Variants in GLRA1 observed in about 807,000 individuals in gnomAD.
GLRA1 encodes glycine receptor subunit alpha-1.
A neutral mutation model predicts 48.3 loss-of-function variants in GLRA1; 37 were observed. The observed-to-expected ratio is 0.77, with a 90% CI of 0.59 to 1.01. The LOEUF (loss-of-function observed/expected upper bound fraction) is 1.01, where lower values mean the gene tolerates loss of function less well. GLRA1 is among the 50% of genes least tolerant of loss of function. The pLI, the probability that GLRA1 is intolerant of heterozygous loss-of-function variation, is 0.00. For synonymous variants in GLRA1, 196 were observed against 210.7 expected, an observed-to-expected ratio of 0.93 and a Z score of 0.60; for missense variants, 427 against 571.0, an observed-to-expected ratio of 0.75 and a Z score of 2.57.
chr5:151,915,687 A>G (rs927602722), intron 1 of GLRA1, among the ~76,000 whole-genome samples: 1 of 149,204 alleles, frequency 6.7e-6, no homozygotes, highest in African/African-American at 2.5e-5. Flanking sequence ...ATGGTTATAT[A>G]CATGTGTGTA....
chr5:151,857,214 G>A (rs562294878), intron 4 of GLRA1, among the ~76,000 whole-genome samples: 1 of 152,364 alleles, frequency 6.6e-6, no homozygotes, highest in South Asian at 2.1e-4. Context: ...CTGCTGGGAT[G>A]CAGCACCTTT....
chr5:151,847,378 C>T (rs781712705), intron 7 of GLRA1, among the ~76,000 whole-genome samples: 9 of 151,926 alleles, frequency 5.9e-5, no homozygotes, highest in Non-Finnish European at 8.8e-5. Flanking sequence ...TGTACCTCAA[C>T]TAGGGGTGAA....
chr5:151,924,339 AGGGGG>A (rs1267918038), intron 1 of GLRA1, among the ~76,000 whole-genome samples, 150 bp downstream of exon 1: 1 of 27,952 alleles, frequency 3.6e-5, no homozygotes, highest in Admixed American at 3.1e-4. Context: ...GGGGGGTGGG[AGGGGG>A]GAGAAGGGAG....
intron 3 of GLRA1, among the ~76,000 whole-genome samples, chr5:151,885,380 G>A (rs1352409321): frequency 1.3e-5 from 2 of 152,174 alleles, no homozygotes; most frequent in Admixed American, 1.3e-4. Context: ...TTGGTACAGT[G>A]GTAATTGTAA....
At chr5:151,892,092 T>G (rs1035060738) in intron 2 of GLRA1, among the ~76,000 whole-genome samples, 2 of 152,200 alleles carry the variant, frequency 1.3e-5, no homozygotes, top group Non-Finnish European at 2.9e-5. Context: ...ACTTTTGGAC[T>G]CCTGGAAACC....
At chr5:151,856,529 A>AT in intron 4 of GLRA1, 146 bp from the exon 5 acceptor site, 2 of 626,114 alleles carry the variant, frequency 3.2e-6, no homozygotes, top group East Asian at 6.4e-5. Flanking sequence ...TTATTTATTT[A>AT]TTTTTGAGAG....
chr5:151,913,072 G>A (rs1298137241), intron 1 of GLRA1, among the ~76,000 whole-genome samples: 3 of 152,168 alleles, frequency 2.0e-5, no homozygotes, highest in Admixed American at 6.5e-5. Context: ...GCTAGAGATG[G>A]GTCTTAAGGC....
intron 1 of GLRA1, among the ~76,000 whole-genome samples, chr5:151,896,051 C>A (rs532974940): frequency 1.3e-5 from 2 of 152,324 alleles, no homozygotes; most frequent in African/African-American, 4.8e-5. Context: ...CTCTCATAAG[C>A]CTGAATCCTA....
At chr5:151,921,238 G>A (rs1342965147) in intron 1 of GLRA1, among the ~76,000 whole-genome samples, 3 of 152,142 alleles carry the variant, frequency 2.0e-5, no homozygotes, top group African/African-American at 7.2e-5. Context: ...TGTTTTATCA[G>A]GGTGCTTTAT....
rs765708068 is a variant in GLRA1 at position 151,855,101 on chromosome 5, CAG to C, written c.634_635del (p.Leu212AlafsTer22). On this transcript the variant is annotated frameshift_variant, in exon 6 of 9. Transcript: ENST00000274576. LOFTEE classifies it high-confidence loss of function. ...GAVQVADGLT[L>X]PQFILKEEKD... is the part of the protein sequence containing the mutation. ...TCTCTTCCTTCAAGATAAACTGGGG[CAG>C]AGTTAGTCCATCTGCTACCTGCACG... 3.7e-6 allele frequency: 6 copies of C among 1,613,974 alleles called. No homozygotes were observed. In the Admixed American group the frequency reaches 1.0e-4, roughly 27 times the overall value.
chr5:151,904,423 C>A (rs924347317), intron 1 of GLRA1, among the ~76,000 whole-genome samples: 1 of 152,204 alleles, frequency 6.6e-6, no homozygotes, highest in African/African-American at 2.4e-5. Context: ...GGTTTGATTT[C>A]TATCTGTTGC....
chr5:151,865,318 A>T (rs1192147142), intron 3 of GLRA1, among the ~76,000 whole-genome samples: 1 of 152,214 alleles, frequency 6.6e-6, no homozygotes, highest in Non-Finnish European at 1.5e-5. Context: ...GGGGGTGGTG[A>T]TCAGGAAAGT....
chr5:151,866,398 A>T (rs887001362), intron 3 of GLRA1, among the ~76,000 whole-genome samples: 1 of 152,068 alleles, frequency 6.6e-6, no homozygotes, highest in Admixed American at 6.5e-5. Flanking sequence ...TCAGATTCTA[A>T]CCTCTCCTAA....
At chr5:151,825,724 G>A (rs1315719449) in intron 8 of GLRA1, among the ~76,000 whole-genome samples, 2 of 152,196 alleles carry the variant, frequency 1.3e-5, no homozygotes, top group Admixed American at 6.5e-5. Context: ...CAGAGAATTC[G>A]AGAACCAGAT....
chr5:151,848,548 C>T (rs1752740680), intron 7 of GLRA1, among the ~76,000 whole-genome samples: 1 of 152,010 alleles, frequency 6.6e-6, no homozygotes, highest in South Asian at 2.1e-4. Context: ...TTCTGTGTTT[C>T]TGTCTTTTGG....
intron 3 of GLRA1, among the ~76,000 whole-genome samples, chr5:151,869,451 T>C (rs1451550787): frequency 6.6e-6 from 1 of 151,446 alleles, no homozygotes; most frequent in South Asian, 2.1e-4. Flanking sequence ...TGGTGGCTCA[T>C]GCCTGTAATT....
intron 2 of GLRA1, among the ~76,000 whole-genome samples, chr5:151,887,478 G>A (rs940108309): frequency 1.3e-5 from 2 of 152,182 alleles, no homozygotes; most frequent in Non-Finnish European, 2.9e-5. Flanking sequence ...TTCCTGCTGT[G>A]CTGAGAGTAT....
chr5:151,904,424 T>C (rs1028621604), intron 1 of GLRA1, among the ~76,000 whole-genome samples: 1 of 152,230 alleles, frequency 6.6e-6, no homozygotes, highest in Non-Finnish European at 1.5e-5. Context: ...GTTTGATTTC[T>C]ATCTGTTGCA....
At chr5:151,917,583 T>C (rs1310137128) in intron 1 of GLRA1, among the ~76,000 whole-genome samples, 2 of 152,354 alleles carry the variant, frequency 1.3e-5, no homozygotes, top group African/African-American at 2.4e-5. Flanking sequence ...AAGTTTCCTC[T>C]TGCTCTTTTA....
Sources: allele counts gnomAD v4.1 joint callset (sites outside exome capture counted in the v4.1 genomes callset), GRCh38; gene constraint gnomAD v4.1.1; transcripts MANE v1.5; gene names NCBI Gene and HGNC (gene_info 2026-07-23, HGNC 2026-07-21).